RAB11FIP2: variants seen among roughly 807,000 people sequenced by gnomAD.
RAB11FIP2 encodes rab11 family-interacting protein 2.
A neutral mutation model predicts 40.9 loss-of-function variants in RAB11FIP2; 16 were observed. That is an observed-to-expected ratio of 0.39 (90% CI 0.26 to 0.59). RAB11FIP2 has a LOEUF of 0.59. Ranked by LOEUF, RAB11FIP2 falls within the 20% of genes least tolerant of loss-of-function variation. The pLI is 0.53. For synonymous variants in RAB11FIP2, 228 were observed against 213.7 expected (o/e 1.07, Z -0.58); for missense variants, 532 against 606.2 (o/e 0.88, Z 1.28).
At chr10:118,009,848 C>G (rs189674082) in intron 4 of RAB11FIP2, among the ~76,000 whole-genome samples, 119 of 152,230 alleles carry the variant, frequency 7.8e-4, no homozygotes, top group Non-Finnish European at 1.5e-3. Flanking sequence ...CTATTTCTTT[C>G]TCCTATAATA....
At chr10:118,029,088 A>C (rs1433363251) in intron 3 of RAB11FIP2, among the ~76,000 whole-genome samples, 1 of 152,060 alleles carries the variant, frequency 6.6e-6, no homozygotes, top group Non-Finnish European at 1.5e-5. Context: ...TTTGATTCAA[A>C]GACTATAGAC....
intron 3 of RAB11FIP2, among the ~76,000 whole-genome samples, chr10:118,032,035 T>C (rs1846421312): frequency 7.4e-6 from 1 of 135,070 alleles, no homozygotes; most frequent in South Asian, 2.3e-4. Context: ...CTTATATTGA[T>C]TTTTTTAAAA....
At chr10:118,009,706 C>A (rs1846133544) in intron 4 of RAB11FIP2, among the ~76,000 whole-genome samples, 2 of 152,032 alleles carry the variant, frequency 1.3e-5, no homozygotes, top group South Asian at 4.1e-4. Context: ...CAGCAAAAAT[C>A]TTTTCTAATT....
intron 1 of RAB11FIP2, among the ~76,000 whole-genome samples, chr10:118,041,363 G>A (rs1158221661): frequency 4.0e-5 from 6 of 151,800 alleles, no homozygotes; most frequent in South Asian, 2.1e-4. Flanking sequence ...CAAATCTTAC[G>A]TTTTAGTCCC....
rs138355819 is a variant in RAB11FIP2 at position 118,040,244 on chromosome 10, C to A, written c.675G>T (p.Ala225=). ...FLLGPQRLSS[A]HSMSDLSGSH... is the part of the protein sequence containing the mutation. ...ACCCAGATAAATCAGACATTGAATGCGCTGACGAGAGTCGCTGAGGACCCA... is the reference window on the plus strand; with the variant it reads ...ACCCAGATAAATCAGACATTGAATGAGCTGACGAGAGTCGCTGAGGACCCA... Residue 225 remains alanine, a synonymous_variant, in exon 2 of 5, where the codon GCG becomes GCT. Coordinates refer to ENST00000355624, the MANE Select transcript of RAB11FIP2 (RefSeq NM_014904.3). 34 of 1,613,622 alleles carry A rather than the reference C, an allele frequency of 2.1e-5. No homozygotes were observed. In the African/African-American group the frequency reaches 4.3e-4, roughly 20 times the overall value.
At chr10:118,039,647 G>C (rs1181158763) in intron 2 of RAB11FIP2, 1 of 567,072 alleles carries the variant, frequency 1.8e-6, no homozygotes, top group Admixed American at 3.4e-5. Context: ...CATATTGCTA[G>C]ACCATTAGTA....
intron 1 of RAB11FIP2, among the ~76,000 whole-genome samples, chr10:118,042,832 C>T (rs1316592053): frequency 6.6e-6 from 1 of 151,650 alleles, no homozygotes; most frequent in East Asian, 1.9e-4. Context: ...CATTCCCCAC[C>T]CCCCAAAAAA....
At chr10:118,011,400 C>G (rs4752140) in intron 4 of RAB11FIP2, among the ~76,000 whole-genome samples, 1 of 151,982 alleles carries the variant, frequency 6.6e-6, no homozygotes. Flanking sequence ...CGCACACACA[C>G]ACACACACTC....
Position 118,046,364 on chromosome 10 carries a change from C to A in RAB11FIP2, c.-201G>T. ...CACGGCCGCTCCGGGGGTCCCCTTT[C>A]GTCTGGAGAAACACAGAGGCCCACC... On this transcript the variant is annotated 5_prime_UTR_variant, in exon 1 of 5. It introduces an in-frame stop codon into an upstream open reading frame of the 5' UTR. Coordinates refer to ENST00000355624, the MANE Select transcript of RAB11FIP2 (RefSeq NM_014904.3). The A allele has an allele frequency of 1.7e-6, 1 of 582,948 alleles. No individual in the cohort carries two copies. Among genetic ancestry groups the A allele is most frequent in the Non-Finnish European group, 3.0e-6 (1 of 329,628 alleles). 36.1% of individuals were successfully genotyped at this position (582,948 alleles called of 1,614,324 possible).
In RAB11FIP2 at chr10:118,040,206, G is replaced by C; in HGVS notation, c.713C>G (p.Ser238Cys). The change falls in exon 2 of 5, where the codon TCT becomes TGT. Residue 238 changes from serine to cysteine, a missense_variant. Ser to Cys is a moderately radical substitution (Grantham distance 112, BLOSUM62 -1). Coordinates refer to ENST00000355624, the MANE Select transcript of RAB11FIP2 (RefSeq NM_014904.3). ...TATGGTGCCAGCCTTCAGTTTCTCA[G>C]AAGACATATGGGACCCAGATAAATC... ...MSDLSGSHMS[S>C]EKLKAGTIGQ... is the part of the protein sequence containing the mutation. 1 of 1,613,842 alleles carries C rather than the reference G, an allele frequency of 6.2e-7. No individual in the cohort carries two copies. The highest frequency in any genetic ancestry group is 8.5e-7 in the Non-Finnish European group (1 of 1,179,788).
chr10:118,019,114 G>C (rs974525615), intron 3 of RAB11FIP2, among the ~76,000 whole-genome samples: 6 of 151,930 alleles, frequency 3.9e-5, no homozygotes, highest in Non-Finnish European at 7.4e-5. Flanking sequence ...CCTGGTTCTA[G>C]GATTTTAAAT....
chr10:118,009,362 A>G, intron 4 of RAB11FIP2, 137 bp from the exon 5 acceptor site: 2 of 806,724 alleles, frequency 2.5e-6, no homozygotes, highest in Non-Finnish European at 3.8e-6. Context: ...TGAATGTGAC[A>G]GTTCACAAAT....
At position 118,007,160 on chromosome 10, in the gene RAB11FIP2, C is replaced by A; in HGVS notation, c.*1838G>T. The A allele has an allele frequency of 6.8e-6, 1 of 147,600 alleles. No individual in the cohort carries two copies. The highest frequency in any genetic ancestry group is 1.5e-5 in the Non-Finnish European group (1 of 66,862). The allele number at this position is 147,600 out of a possible 1,614,324, so 9.1% of individuals were successfully genotyped here. A position where few individuals can be genotyped will look rare whatever the true frequency, so the allele number is the denominator to read the frequency against. On this transcript the variant is annotated 3_prime_UTR_variant, in exon 5 of 5. Transcript: ENST00000355624. Reference sequence around the variant, plus strand: ...ACATTTAGTTAATTAAAAGTGGCACCATGTTTAAAAAAAAAAAAAAAACTA... The same window carrying A: ...ACATTTAGTTAATTAAAAGTGGCACAATGTTTAAAAAAAAAAAAAAAACTA...
At chr10:118,013,384 T>C (rs937046341) in intron 4 of RAB11FIP2, among the ~76,000 whole-genome samples, 6 of 152,068 alleles carry the variant, frequency 3.9e-5, no homozygotes, top group Non-Finnish European at 8.8e-5. Context: ...ACACTGCCCT[T>C]TCAACTGGCT....
chr10:118,021,751 T>C (rs1365409561), intron 3 of RAB11FIP2, among the ~76,000 whole-genome samples: 1 of 152,234 alleles, frequency 6.6e-6, no homozygotes. Context: ...TGAAACTCAC[T>C]CTTCCTGCTA....
chr10:118,029,420 T>C (rs1846386815), intron 3 of RAB11FIP2, among the ~76,000 whole-genome samples: 1 of 152,154 alleles, frequency 6.6e-6, no homozygotes, highest in Admixed American at 6.6e-5. Flanking sequence ...AACAGCTACT[T>C]CATGATAGAA....
chr10:118,024,076 TGA>T lies in RAB11FIP2; in HGVS notation c.1266-8968_1266-8967del, dbSNP rs529504350. Among the ~76,000 whole-genome samples, 817 of 142,872 alleles carry T rather than the reference TGA, an allele frequency of 5.7e-3. 8 individuals are homozygous for T. The highest frequency in any genetic ancestry group is 0.02 in the African/African-American group (784 of 38,494). The allele number at this position is 142,872 out of a possible 152,430, so 93.7% of individuals were successfully genotyped here. A position where few individuals can be genotyped will look rare whatever the true frequency, so the allele number is the denominator to read the frequency against. ...CTGCACTCCAGCCTGGGCAACAGAGTGAGACTCTGTCTTAAAAAAAAAAAAAA... is the reference window on the plus strand; with the variant it reads ...CTGCACTCCAGCCTGGGCAACAGAGTGACTCTGTCTTAAAAAAAAAAAAAA... On this transcript the variant is annotated intron_variant, in intron 3 of 4. Transcript: ENST00000355624.
At chr10:118,031,565 G>A (rs1249837027) in intron 3 of RAB11FIP2, among the ~76,000 whole-genome samples, 1 of 151,964 alleles carries the variant, frequency 6.6e-6, no homozygotes, top group African/African-American at 2.4e-5. Flanking sequence ...AGAAGGAAGA[G>A]GGGGAGAATC....
At chr10:118,009,854 T>C (rs778071143) in intron 4 of RAB11FIP2, among the ~76,000 whole-genome samples, 3 of 152,156 alleles carry the variant, frequency 2.0e-5, no homozygotes, top group Non-Finnish European at 4.4e-5. Context: ...CTTTCTCCTA[T>C]AATAATATCT....
Sources: gnomAD v4.1 joint callset for allele counts (sites outside exome capture counted in the v4.1 genomes callset) on GRCh38, gnomAD v4.1.1 for gene constraint, MANE v1.5 for transcripts, NCBI Gene and HGNC (gene_info 2026-07-23, HGNC 2026-07-21) for gene names.